Variants in PRTN3 observed in about 807,000 individuals in gnomAD.
The protein encoded by PRTN3 is myeloblastin.
In PRTN3, 22 loss-of-function variants were observed where a neutral mutation model predicts 20.7. That is an observed-to-expected ratio of 1.06 (90% CI 0.76 to 1.52). PRTN3 has a LOEUF of 1.52. Among genes scored for constraint, PRTN3 ranks in the 40% most tolerant of loss-of-function variants. The pLI is 0.00. For synonymous variants in PRTN3, 173 were observed against 152.9 expected, an observed-to-expected ratio of 1.13 and a Z score of -0.97; for missense variants, 378 against 359.6, an observed-to-expected ratio of 1.05 and a Z score of -0.41.
At chr19:842,281 G>C (rs116896857) in intron 1 of PRTN3, among the ~76,000 whole-genome samples, 5,274 of 147,176 alleles carry the variant, frequency 0.036, 137 homozygotes, top group Non-Finnish European at 0.047. Flanking sequence ...CAATGCCTCA[G>C]TTTGTTCATC....
At chr19:846,028 AG>A in intron 3 of PRTN3, 118 bp from the exon 4 acceptor site, 1 of 614,470 alleles carries the variant, frequency 1.6e-6, no homozygotes, top group Non-Finnish European at 2.6e-6. Context: ...GCCCAGGCGG[AG>A]GGAGCGGCAT....
rs952814304 is a variant in PRTN3 at position 846,206 on chromosome 19, C to T, written c.429C>T (p.Asp143=). 9.7e-6 allele frequency: 15 copies of T among 1,541,174 alleles called. No individual in the cohort carries two copies. Among genetic ancestry groups the T allele is most frequent in the East Asian group, 2.5e-5 (1 of 40,740 alleles). ...SVATVQLPQQ[D]QPVPHGTQCL... The stretch of plus-strand genomic sequence containing the variant: ...CCACAGTCCAGCTGCCACAGCAGGA[C>T]CAGCCAGTGCCCCACGGCACCCAGT... Residue 143 remains aspartate (D), a synonymous_variant, in exon 4 of 5, where the codon GAC becomes GAT. Coordinates refer to ENST00000234347, the MANE Select transcript of PRTN3 (RefSeq NM_002777.4).
chr19:841,093 A>T (rs1314424190), intron 1 of PRTN3, 24 bp downstream of exon 1: 2 of 1,601,882 alleles, frequency 1.2e-6, no homozygotes, highest in Admixed American at 3.3e-5. Flanking sequence ...GTGCCCATCC[A>T]TCCAGCCTCC....
chr19:843,782 G>A (rs543983255), intron 2 of PRTN3, 111 bp from the exon 3 acceptor site: 1 of 1,455,254 alleles, frequency 6.9e-7, no homozygotes, highest in South Asian at 1.4e-5. Flanking sequence ...GAGGCCCGGG[G>A]CAGGGTCGCC....
chr19:844,060 C>A lies in PRTN3; in HGVS notation c.369+26C>A, dbSNP rs779482485. Reference sequence around the variant, plus strand: ...GTGGGCGGGCAGGGCCGCGAGGGCTCGGAGGGGCACGGCCAGAGGGCTCCG... The same window carrying A: ...GTGGGCGGGCAGGGCCGCGAGGGCTAGGAGGGGCACGGCCAGAGGGCTCCG... On this transcript the variant is annotated intron_variant, in intron 3 of 4. Transcript: ENST00000234347. 3 of 1,582,788 alleles carry A rather than the reference C, an allele frequency of 1.9e-6. No individual in the cohort carries two copies. In the African/African-American group the frequency reaches 4.0e-5, roughly 21 times the overall value.
intron 1 of PRTN3, among the ~76,000 whole-genome samples, chr19:842,750 G>A (rs2035462677): frequency 6.6e-6 from 1 of 151,634 alleles, no homozygotes; most frequent in South Asian, 2.1e-4. Context: ...ACCACGCCCA[G>A]CTAATGTTTG....
In PRTN3 at chr19:843,515, G is replaced by T; in HGVS notation, c.116G>T (p.Arg39Leu). The change falls in exon 2 of 5, where the codon CGG becomes CTG. Residue 39 changes from arginine to leucine, a missense_variant. Arg to Leu is a moderately radical substitution (Grantham distance 102, BLOSUM62 -2). Coordinates refer to ENST00000234347, the MANE Select transcript of PRTN3 (RefSeq NM_002777.4). ...GGGCACGAGGCGCAGCCACACTCCCGGCCCTACATGGCCTCCCTGCAGATG... is the reference window on the plus strand; with the variant it reads ...GGGCACGAGGCGCAGCCACACTCCCTGCCCTACATGGCCTCCCTGCAGATG... ...VGGHEAQPHSRPYMASLQMRG... is the reference protein window; with the variant it reads ...VGGHEAQPHSLPYMASLQMRG... 1 of 1,589,304 alleles carries T rather than the reference G, an allele frequency of 6.3e-7. No individual in the cohort carries two copies. The highest frequency in any genetic ancestry group is 8.5e-7 in the Non-Finnish European group (1 of 1,170,976).
At chr19:841,994 T>C (rs2035450377) in intron 1 of PRTN3, among the ~76,000 whole-genome samples, 1 of 151,316 alleles carries the variant, frequency 6.6e-6, no homozygotes, top group Admixed American at 6.6e-5. Context: ...CCCAAAGTGC[T>C]GGGATTACAG....
intron 3 of PRTN3, among the ~76,000 whole-genome samples, chr19:845,819 A>G (rs1336267243): frequency 6.6e-6 from 1 of 152,010 alleles, no homozygotes; most frequent in Non-Finnish European, 1.5e-5. Flanking sequence ...TGAGGAAGGC[A>G]GATCACTTGA....
rs527488973 is a variant in PRTN3, at chr19:847,288, C to T, written c.601-511C>T. 1.2e-4 allele frequency among the ~76,000 whole-genome samples: 18 copies of T among 152,030 alleles called. No individual in the cohort carries two copies. The South Asian group carries it at 2.1e-3, about 18-fold the overall frequency. ...TGCCACTGCACTCCAGCCTGGAGAA[C>T]AGAGCGAGACCCTGTCTCGAGAGAA... On this transcript the variant is annotated intron_variant, in intron 4 of 4. Coordinates refer to ENST00000234347, the MANE Select transcript of PRTN3 (RefSeq NM_002777.4).
intron 1 of PRTN3, among the ~76,000 whole-genome samples, chr19:842,516 T>A (rs1437251960): frequency 7.3e-6 from 1 of 137,730 alleles, no homozygotes; most frequent in African/African-American, 2.8e-5. Flanking sequence ...GCCTCCTGGG[T>A]TCAAGCGATT....
chr19:844,158 C>A, intron 3 of PRTN3, 124 bp downstream of exon 3: 1 of 1,321,596 alleles, frequency 7.6e-7, no homozygotes, highest in Non-Finnish European at 1.0e-6. Context: ...GCCGCTGCAG[C>A]CTGGGTCCAG....
intron 1 of PRTN3, among the ~76,000 whole-genome samples, chr19:842,666 C>T (rs1044581374): frequency 2.1e-5 from 3 of 143,782 alleles, no homozygotes; most frequent in African/African-American, 7.9e-5. Flanking sequence ...TGGCTCACCA[C>T]AACCTCCGCT....
rs762913894 is a variant in PRTN3 at position 844,038 on chromosome 19, G to T, written c.369+4G>T. 5 of 1,600,152 alleles carry T rather than the reference G, an allele frequency of 3.1e-6. No homozygotes were observed. Among genetic ancestry groups the T allele is most frequent in the Admixed American group, 1.7e-5 (1 of 58,058 alleles). On this transcript the variant is annotated splice_donor_region_variant and intron_variant, in intron 3 of 4. Transcript: ENST00000234347. ...GAACGACGTTCTCCTCATCCAGGTG[G>T]GCGGGCAGGGCCGCGAGGGCTCGGA...
chr19:846,326 GC>G lies in PRTN3; in HGVS notation c.551del (p.Pro184HisfsTer24). 1.9e-6 allele frequency: 3 copies of G among 1,590,954 alleles called. No homozygotes were observed. The highest frequency in any genetic ancestry group is 2.6e-6 in the Non-Finnish European group (3 of 1,169,334). Reference sequence around the variant, plus strand: ...TCACCGTGGTCACCTTCTTCTGCCGGCCACATAACATTTGCACTTTCGTCCC... The same window carrying G: ...TCACCGTGGTCACCTTCTTCTGCCGGCACATAACATTTGCACTTTCGTCCC... The part of the protein sequence containing the change: ...NVTVVTFFCR[P>X]HNICTFVPRR... On this transcript the variant is annotated frameshift_variant, in exon 4 of 5. Transcript: ENST00000234347. LOFTEE classifies it low-confidence loss of function (END_TRUNC).
At chr19:844,055 G>T in intron 3 of PRTN3, 21 bp downstream of exon 3, 2 of 1,586,668 alleles carry the variant, frequency 1.3e-6, no homozygotes, top group Non-Finnish European at 1.7e-6. Context: ...AGGGCCGCGA[G>T]GGCTCGGAGG....
Position 843,629 on chromosome 19 carries a change from G to C in PRTN3, c.227+3G>C, listed in dbSNP as rs1431263042. ...GCCGCGCACTGCCTGCGGGACATGT[G>C]AGCGGCCGCCTCCACACCCCTGTCC... On this transcript the variant is annotated splice_donor_region_variant and intron_variant, in intron 2 of 4. Transcript: ENST00000234347. 6.4e-7 allele frequency: 1 copy of C among 1,554,776 alleles called. No homozygotes were observed. Among genetic ancestry groups the C allele is most frequent in the South Asian group, 1.2e-5 (1 of 82,910 alleles).
In PRTN3 at chr19:846,145, A is replaced by C. The variant is rs200579831; in HGVS notation, c.370-2A>C. ...CTCACCGCCGCCTGCCTTCTGCCCC[A>C]GCTGAGCAGCCCAGCCAACCTCAGT... On this transcript the variant is annotated splice_acceptor_variant, in intron 3 of 4. Transcript: ENST00000234347. LOFTEE classifies it high-confidence loss of function. 5.6e-4 allele frequency: 790 copies of C among 1,418,684 alleles called. 1 individual carries two copies. The highest frequency in any genetic ancestry group is 6.9e-4 in the Non-Finnish European group (751 of 1,085,510). 87.9% of individuals were successfully genotyped at this position (1,418,684 alleles called of 1,614,324 possible).
intron 3 of PRTN3, among the ~76,000 whole-genome samples, chr19:845,275 G>A (rs974444709): frequency 1.3e-5 from 2 of 151,882 alleles, no homozygotes; most frequent in Admixed American, 6.6e-5. Flanking sequence ...AAAATCAACC[G>A]GGCATGGTAG....
Sources: allele counts gnomAD v4.1 joint callset (sites outside exome capture counted in the v4.1 genomes callset), GRCh38; gene constraint gnomAD v4.1.1; transcripts MANE v1.5; gene names NCBI Gene and HGNC (gene_info 2026-07-23, HGNC 2026-07-21).